The following KCNT2 variants were observed in gnomAD, a reference collection of about 807,000 sequenced individuals.
The protein encoded by KCNT2 is potassium channel subfamily T member 2.
Under a neutral mutation model 153.8 loss-of-function variants are expected in KCNT2, and 67 were observed. The ratio of observed to expected loss-of-function variants is 0.44; its 90% CI spans 0.36 to 0.53. The LOEUF (loss-of-function observed/expected upper bound fraction) is 0.53, where lower values mean the gene tolerates loss of function less well. KCNT2 is among the 20% of genes least tolerant of loss of function. The pLI is 0.00. For synonymous variants in KCNT2, 500 were observed against 458.8 expected, an observed-to-expected ratio of 1.09 and a Z score of -1.15; for missense variants, 975 against 1,354.8, an observed-to-expected ratio of 0.72 and a Z score of 4.40.
intron 26 of KCNT2, among the ~76,000 whole-genome samples, chr1:196,241,137 A>T (rs141347040): frequency 6.5e-4 from 99 of 152,172 alleles, no homozygotes; most frequent in African/African-American, 2.2e-3. Context: ...TTGAATGCCA[A>T]TGGGAGAAAA....
chr1:196,423,849 G>A (rs1472070216), intron 11 of KCNT2, among the ~76,000 whole-genome samples: 2 of 151,670 alleles, frequency 1.3e-5, no homozygotes, highest in African/African-American at 4.8e-5. Flanking sequence ...TATGAGTGTT[G>A]GATAACTTTC....
intron 1 of KCNT2, among the ~76,000 whole-genome samples, chr1:196,563,300 T>C (rs1381630476): frequency 6.6e-6 from 1 of 151,850 alleles, no homozygotes; most frequent in Admixed American, 6.6e-5. Context: ...AGAAATACCG[T>C]GACTGCTTTG....
intron 25 of KCNT2, among the ~76,000 whole-genome samples, chr1:196,260,449 A>G (rs1044786614): frequency 6.6e-6 from 1 of 151,864 alleles, no homozygotes; most frequent in Non-Finnish European, 1.5e-5. Flanking sequence ...TTAGTTAAGC[A>G]ATATTTAATA....
At chr1:196,323,882 G>T (rs568633645) in intron 19 of KCNT2, among the ~76,000 whole-genome samples, 56 of 150,556 alleles carry the variant, frequency 3.7e-4, no homozygotes, top group African/African-American at 1.0e-3. Context: ...ATATTGTAAA[G>T]AAGAAAGCCT....
chr1:196,464,159 G>A (rs1187146891), intron 8 of KCNT2, among the ~76,000 whole-genome samples: 2 of 151,614 alleles, frequency 1.3e-5, no homozygotes, highest in African/African-American at 4.8e-5. Context: ...TTGAAATCCA[G>A]AATTTTTAGT....
At chr1:196,268,783 C>T (rs1421549277) in intron 25 of KCNT2, among the ~76,000 whole-genome samples, 1 of 151,946 alleles carries the variant, frequency 6.6e-6, no homozygotes, top group African/African-American at 2.4e-5. Context: ...CTCAGACCTA[C>T]TTAGGAGCCC....
At chr1:196,339,668 G>A (rs574617173) in intron 16 of KCNT2, among the ~76,000 whole-genome samples, 3 of 151,968 alleles carry the variant, frequency 2.0e-5, no homozygotes, top group Non-Finnish European at 4.4e-5. Context: ...ATGGTTCCTG[G>A]AATAAATGAA....
intron 1 of KCNT2, among the ~76,000 whole-genome samples, chr1:196,568,124 G>T (rs1189514015): frequency 6.6e-6 from 1 of 152,016 alleles, no homozygotes; most frequent in African/African-American, 2.4e-5. Flanking sequence ...TTATGTCAAC[G>T]GTCCCCAACC....
At chr1:196,471,257 A>G (rs1483609226) in intron 5 of KCNT2, among the ~76,000 whole-genome samples, 2 of 152,056 alleles carry the variant, frequency 1.3e-5, no homozygotes, top group East Asian at 1.9e-4. Flanking sequence ...TGAAAAGACC[A>G]GAAAAGCTAT....
intron 1 of KCNT2, among the ~76,000 whole-genome samples, chr1:196,597,864 G>GT (rs1234057176): frequency 6.6e-6 from 1 of 152,116 alleles, no homozygotes; most frequent in East Asian, 1.9e-4. Flanking sequence ...ATAAGTAGGT[G>GT]TAAGTGTTAA....
chr1:196,471,753 T>A (rs761173883), intron 5 of KCNT2, among the ~76,000 whole-genome samples: 29 of 152,222 alleles, frequency 1.9e-4, no homozygotes, highest in Non-Finnish European at 4.1e-4. Flanking sequence ...TTTCCATTTA[T>A]AACACATTAG....
intron 5 of KCNT2, among the ~76,000 whole-genome samples, chr1:196,478,012 T>C (rs939488250): frequency 6.6e-6 from 1 of 152,232 alleles, no homozygotes; most frequent in African/African-American, 2.4e-5. Context: ...CCTCCAAAAC[T>C]AATTCCATTA....
chr1:196,310,541 G>C (rs561786766), intron 21 of KCNT2, among the ~76,000 whole-genome samples: 1 of 151,762 alleles, frequency 6.6e-6, no homozygotes, highest in African/African-American at 2.4e-5. Flanking sequence ...TACATGTTGA[G>C]TATTTTAAAT....
At chr1:196,240,994 G>A (rs1190111449) in intron 26 of KCNT2, among the ~76,000 whole-genome samples, 1 of 151,774 alleles carries the variant, frequency 6.6e-6, no homozygotes, top group African/African-American at 2.4e-5. Flanking sequence ...GAATAAATTA[G>A]TAAAAGGGGC....
At chr1:196,495,927 A>G (rs549975063) in intron 1 of KCNT2, among the ~76,000 whole-genome samples, 26 of 152,210 alleles carry the variant, frequency 1.7e-4, no homozygotes, top group Non-Finnish European at 3.5e-4. Flanking sequence ...TAAATGTTAT[A>G]TATTCTTTGT....
intron 1 of KCNT2, among the ~76,000 whole-genome samples, chr1:196,527,573 C>A (rs1654400586): frequency 1.3e-5 from 2 of 152,038 alleles, no homozygotes; most frequent in African/African-American, 4.8e-5. Context: ...GCTTAAATTT[C>A]TTTCATGGGG....
At position 196,467,637 on chromosome 1, in the gene KCNT2, C is replaced by A. The variant is rs79286665; in HGVS notation, c.543+66G>T. 14 of 1,063,070 alleles carry A rather than the reference C, an allele frequency of 1.3e-5. No homozygotes were observed. In the South Asian group the frequency reaches 1.8e-4, roughly 14 times the overall value. 65.9% of individuals were successfully genotyped at this position (1,063,070 alleles called of 1,614,324 possible). A position where few individuals can be genotyped will look rare whatever the true frequency, so the allele number is the denominator to read the frequency against. On this transcript the variant is annotated intron_variant, in intron 7 of 27. Transcript: ENST00000294725. ...CCCAAATTCTCTCTCTCTGTTTAAT[C>A]TAAACATTGAAAATAAGAAATGGTT...
intron 25 of KCNT2, among the ~76,000 whole-genome samples, chr1:196,272,828 G>A (rs1419399177): frequency 1.3e-5 from 2 of 151,830 alleles, no homozygotes; most frequent in Admixed American, 6.6e-5. Flanking sequence ...AATGGCCAGA[G>A]GATGGGGGAA....
intron 25 of KCNT2, among the ~76,000 whole-genome samples, chr1:196,279,377 A>G (rs1377810493): frequency 6.6e-6 from 1 of 152,076 alleles, no homozygotes; most frequent in Non-Finnish European, 1.5e-5. Context: ...GAAAAGAAAA[A>G]CTCAGACTCA....
Sources: allele counts gnomAD v4.1 joint callset (sites outside exome capture counted in the v4.1 genomes callset), GRCh38; gene constraint gnomAD v4.1.1; transcripts MANE v1.5; gene names NCBI Gene and HGNC (gene_info 2026-07-23, HGNC 2026-07-21).